Variants in RHPN2 observed in about 807,000 individuals in gnomAD.
RHPN2 encodes the protein rhophilin-2.
A neutral mutation model predicts 79.0 loss-of-function variants in RHPN2; 40 were observed. That is an observed-to-expected ratio of 0.51 (90% CI 0.39 to 0.66). The LOEUF is 0.66. Ranked by LOEUF, RHPN2 falls within the 30% of genes least tolerant of loss-of-function variation. The pLI, the probability that RHPN2 is intolerant of heterozygous loss-of-function variation, is 0.00. For synonymous variants in RHPN2, 285 were observed against 363.5 expected (o/e 0.78, Z 2.46); for missense variants, 686 against 883.5 (o/e 0.78, Z 2.83).
At chr19:33,013,590 C>T (rs754197735) in intron 4 of RHPN2, among the ~76,000 whole-genome samples, 112 of 152,220 alleles carry the variant, frequency 7.4e-4, no homozygotes, top group Admixed American at 1.6e-3. Context: ...TCGTGGCTCA[C>T]GTCTGTAATC....
chr19:33,006,588 C>A (rs185015342), intron 7 of RHPN2, among the ~76,000 whole-genome samples: 18 of 152,330 alleles, frequency 1.2e-4, no homozygotes, highest in Middle Eastern at 6.8e-3. Context: ...CGCTATAGAG[C>A]TAGCGTGGGG....
rs1312858902 is a variant in RHPN2, at chr19:32,983,179, A to ACG, written c.1801-2924_1801-2923insCG. Reference sequence around the variant, plus strand: ...CACACACAAACACACACACACACACACACACACACTCCTGCAATGCGTACC... The same window carrying ACG: ...CACACACAAACACACACACACACACACGCACACACACTCCTGCAATGCGTACC... On this transcript the variant is annotated intron_variant, in intron 14 of 14. Coordinates refer to ENST00000254260, the MANE Select transcript of RHPN2 (RefSeq NM_033103.5). Among the ~76,000 whole-genome samples the ACG allele has an allele frequency of 3.0e-3, 449 of 151,222 alleles. 1 individual carries two copies. The highest frequency in any genetic ancestry group is 0.011 in the African/African-American group (433 of 41,136).
chr19:32,983,373 G>A (rs574882715), intron 14 of RHPN2, among the ~76,000 whole-genome samples: 76 of 152,042 alleles, frequency 5.0e-4, no homozygotes, highest in African/African-American at 4.6e-4. Flanking sequence ...TTAGCCGGGC[G>A]TGGTGGCGGG....
intron 14 of RHPN2, among the ~76,000 whole-genome samples, chr19:32,985,359 G>A (rs1437959279): frequency 4.6e-5 from 7 of 152,074 alleles, no homozygotes; most frequent in Non-Finnish European, 1.0e-4. Flanking sequence ...TTATTTGGCC[G>A]GGCATGCTGG....
At position 33,007,858 on chromosome 19, in the gene RHPN2, C is replaced by T. The variant is rs370283662; in HGVS notation, c.760+156G>A. 3.6e-4 allele frequency among the ~76,000 whole-genome samples: 55 copies of T among 152,064 alleles called. 1 individual carries two copies. In the East Asian group the frequency reaches 8.4e-3, roughly 23 times the overall value. On this transcript the variant is annotated intron_variant, in intron 7 of 14. Transcript: ENST00000254260. ...GATTACAGGCGTGAGCCACCGCGCC[C>T]GGCCGGAGCAAGTTTCTTAATGGGA... is the stretch of plus-strand genomic sequence containing the variant.
intron 1 of RHPN2, among the ~76,000 whole-genome samples, chr19:33,060,458 T>C (rs977728874): frequency 2.0e-5 from 3 of 152,158 alleles, no homozygotes; most frequent in East Asian, 1.9e-4. Flanking sequence ...TGTGGACCCC[T>C]GGTCTGAGCT....
At chr19:33,048,738 A>AAAAG (rs1555714735) in intron 1 of RHPN2, among the ~76,000 whole-genome samples, 2 of 151,160 alleles carry the variant, frequency 1.3e-5, no homozygotes, top group East Asian at 3.9e-4. Flanking sequence ...AAAAAAAAAA[A>AAAAG]AAAAAAACTT....
intron 6 of RHPN2, among the ~76,000 whole-genome samples, chr19:33,009,152 C>T (rs925318699): frequency 5.9e-5 from 9 of 152,220 alleles, no homozygotes; most frequent in African/African-American, 2.2e-4. Flanking sequence ...AGTAGTGAAA[C>T]TCTTCTGTAT....
intron 6 of RHPN2, among the ~76,000 whole-genome samples, chr19:33,009,286 T>C (rs943123169): frequency 1.4e-5 from 2 of 145,028 alleles, no homozygotes; most frequent in African/African-American, 5.1e-5. Flanking sequence ...AGGTAAGTTC[T>C]TCAATTATAA....
intron 7 of RHPN2, among the ~76,000 whole-genome samples, chr19:33,007,669 C>G (rs1971802558): frequency 3.3e-5 from 5 of 151,858 alleles, no homozygotes; most frequent in Admixed American, 3.3e-4. Flanking sequence ...CCAGGGGCCA[C>G]TTGTCTGGAA....
At chr19:33,007,889 C>T in intron 7 of RHPN2, 125 bp downstream of exon 7, 1 of 1,066,388 alleles carries the variant, frequency 9.4e-7, no homozygotes, top group East Asian at 2.5e-5. Flanking sequence ...TGGGAAGTTA[C>T]ACCAGAGCTG....
At chr19:32,988,824 C>G (rs1971631502) in intron 14 of RHPN2, among the ~76,000 whole-genome samples, 1 of 152,206 alleles carries the variant, frequency 6.6e-6, no homozygotes, top group Non-Finnish European at 1.5e-5. Flanking sequence ...GTCATTCCAC[C>G]CTGTTACAGG....
At chr19:32,999,311 G>A (rs4076879) in intron 10 of RHPN2, among the ~76,000 whole-genome samples, 30,514 of 151,968 alleles carry the variant, frequency 0.2, 3,143 homozygotes, top group South Asian at 0.28. Flanking sequence ...CCCTGTTAGC[G>A]TGACACATGC....
At chr19:33,031,940 G>T (rs797011547) in intron 2 of RHPN2, among the ~76,000 whole-genome samples, 3 of 150,118 alleles carry the variant, frequency 2.0e-5, no homozygotes, top group African/African-American at 7.4e-5. Flanking sequence ...GGATGGTCTT[G>T]ATCTCCTGAC....
chr19:33,006,043 C>G (rs1231698708), intron 7 of RHPN2, among the ~76,000 whole-genome samples: 1 of 152,050 alleles, frequency 6.6e-6, no homozygotes, highest in Non-Finnish European at 1.5e-5. Context: ...CCAGGCCCAG[C>G]TAACTTTTGT....
rs764588726 is a variant in RHPN2, at chr19:32,996,170, C to T, written c.1276G>A (p.Glu426Lys). The T allele has an allele frequency of 3.1e-6, 5 of 1,614,048 alleles. No homozygotes were observed. In the South Asian group the frequency reaches 3.3e-5, roughly 11 times the overall value. Residue 426 changes from glutamate to lysine, a missense_variant, in exon 11 of 15, where the codon GAG becomes AAG. By Grantham distance (56) the Glu-to-Lys change is moderately conservative. Transcript: ENST00000254260. ...CGCAGCTTCTTGCAGAGGCTGGCCTCCCGCACCGACTCCTCGTGATGAGCC... is the reference window on the plus strand; with the variant it reads ...CGCAGCTTCTTGCAGAGGCTGGCCTTCCGCACCGACTCCTCGTGATGAGCC... ...AMAHHEESVR[E>K]ASLCKKLRSI...
intron 2 of RHPN2, among the ~76,000 whole-genome samples, chr19:33,032,063 C>T (rs1310323810): frequency 1.4e-5 from 2 of 145,138 alleles, no homozygotes; most frequent in South Asian, 2.2e-4. Flanking sequence ...CTCTTTCCCC[C>T]GGGCTGGAAT....
chr19:33,056,980 C>G (rs1972238360), intron 1 of RHPN2, among the ~76,000 whole-genome samples: 1 of 150,890 alleles, frequency 6.6e-6, no homozygotes, highest in African/African-American at 2.4e-5. Flanking sequence ...ATTAGCCGGA[C>G]ATGGTGGCGG....
At chr19:32,989,870 C>T (rs557662778) in intron 14 of RHPN2, among the ~76,000 whole-genome samples, 10 of 152,152 alleles carry the variant, frequency 6.6e-5, no homozygotes, top group East Asian at 1.9e-4. Flanking sequence ...TCTGGGAGGC[C>T]GAGGCTGGCA....
Sources: allele counts gnomAD v4.1 joint callset (sites outside exome capture counted in the v4.1 genomes callset), GRCh38; gene constraint gnomAD v4.1.1; transcripts MANE v1.5; gene names NCBI Gene and HGNC (gene_info 2026-07-23, HGNC 2026-07-21).